ZNF558: variants seen among roughly 807,000 people sequenced by gnomAD.
The protein encoded by ZNF558 is zinc finger protein 558.
Under a neutral mutation model 37.6 loss-of-function variants are expected in ZNF558, and 23 were observed. The observed-to-expected ratio is 0.61, with a 90% CI of 0.44 to 0.87. The LOEUF is 0.87. ZNF558 is among the 40% of genes least tolerant of loss of function. The pLI, the probability that ZNF558 is intolerant of heterozygous loss-of-function variation, is 0.00. For missense variants in ZNF558, 429 were observed against 483.7 expected (o/e 0.89, Z 1.06); for synonymous variants, 189 against 174.4 (o/e 1.08, Z -0.66).
intron 2 of ZNF558, among the ~76,000 whole-genome samples, chr19:8,830,196 G>T (rs930251030): frequency 2.6e-5 from 4 of 151,998 alleles, no homozygotes; most frequent in East Asian, 3.9e-4. Context: ...CTTTCCCTTT[G>T]CTTTCTGCCA....
At chr19:8,816,854 G>A (rs1568466195) in intron 7 of ZNF558, among the ~76,000 whole-genome samples, 6 of 152,094 alleles carry the variant, frequency 3.9e-5, no homozygotes, top group Admixed American at 1.3e-4. Context: ...ACATTAATGG[G>A]CACACAATGC....
chr19:8,826,153 G>T (rs2044226711), intron 2 of ZNF558, among the ~76,000 whole-genome samples: 2 of 152,060 alleles, frequency 1.3e-5, no homozygotes, highest in African/African-American at 2.4e-5. Context: ...CAGGAAATGG[G>T]TTCTCCCCTA....
upstream of ZNF558, among the ~76,000 whole-genome samples, chr19:8,836,223 T>G (rs2967737): frequency 2.6e-5 from 4 of 152,136 alleles, no homozygotes; most frequent in African/African-American, 9.7e-5. Context: ...CAGTTAGGCA[T>G]AATAAGAGAA....
chr19:8,816,422 C>T (rs912933851), intron 7 of ZNF558, among the ~76,000 whole-genome samples: 6 of 152,020 alleles, frequency 3.9e-5, no homozygotes, highest in Admixed American at 6.6e-5. Context: ...AACAGCAAGA[C>T]GGAGATGACT....
upstream of ZNF558, among the ~76,000 whole-genome samples, chr19:8,836,392 T>C (rs1307864652): frequency 2.6e-5 from 4 of 151,574 alleles, no homozygotes; most frequent in African/African-American, 9.7e-5. Context: ...CTCCCCTTCC[T>C]CCTCCTCCTT....
chr19:8,808,669 T>C lies in ZNF558; in HGVS notation c.*2612A>G, dbSNP rs986648216. ...ACATGGGTAAAACTTGACCAATTTA[T>C]AGGTTTACCAGTTAGATTCTGCATC... On this transcript the variant is annotated 3_prime_UTR_variant, in exon 10 of 10. Coordinates refer to ENST00000601372, the MANE Select transcript of ZNF558 (RefSeq NM_144693.3). The C allele has an allele frequency of 1.3e-5, 2 of 152,256 alleles. No homozygotes were observed. The highest frequency in any genetic ancestry group is 4.8e-5 in the African/African-American group (2 of 41,462). The allele number at this position is 152,256 out of a possible 1,614,324, so 9.4% of individuals were successfully genotyped here. A position where few individuals can be genotyped will look rare whatever the true frequency, so the allele number is the denominator to read the frequency against.
chr19:8,835,873 C>T (rs1256923656), upstream of ZNF558, among the ~76,000 whole-genome samples: 1 of 152,100 alleles, frequency 6.6e-6, no homozygotes, highest in Non-Finnish European at 1.5e-5. Flanking sequence ...CATGGATGAA[C>T]CTTGAAAACA....
intron 7 of ZNF558, among the ~76,000 whole-genome samples, chr19:8,818,450 C>CA (rs796632382): frequency 1.3e-5 from 2 of 151,242 alleles, no homozygotes; most frequent in Middle Eastern, 3.4e-3. Context: ...GACTCTGTCT[C>CA]AAAAAAAATA....
chr19:8,826,311 G>A (rs576227909), intron 2 of ZNF558, among the ~76,000 whole-genome samples: 55 of 152,026 alleles, frequency 3.6e-4, no homozygotes, highest in Middle Eastern at 3.4e-3. Flanking sequence ...CATTTATTCT[G>A]CACTTTATTT....
intron 7 of ZNF558, among the ~76,000 whole-genome samples, chr19:8,819,830 A>G (rs1460774625): frequency 6.6e-6 from 1 of 152,114 alleles, no homozygotes; most frequent in African/African-American, 2.4e-5. Flanking sequence ...AATTCCAGCT[A>G]CTTGAGAGGC....
chr19:8,832,247 C>T lies in ZNF558; in HGVS notation c.-631G>A, dbSNP rs2044379819. ...TCCCGCGGGGCCAAAAGCGCCGACT[C>T]GCGGGGACGGAGGGACTCGCTCCCC... On this transcript the variant is annotated 5_prime_UTR_variant, in exon 1 of 10. Coordinates refer to ENST00000601372, the MANE Select transcript of ZNF558 (RefSeq NM_144693.3). The T allele has an allele frequency of 6.6e-6, 1 of 152,032 alleles. No individual in the cohort carries two copies. The highest frequency in any genetic ancestry group is 6.6e-5 in the Admixed American group (1 of 15,266). 9.4% of individuals were successfully genotyped at this position (152,032 alleles called of 1,614,324 possible). A position where few individuals can be genotyped will look rare whatever the true frequency, so the allele number is the denominator to read the frequency against.
At chr19:8,815,878 A>AC (rs1317835768) in intron 7 of ZNF558, among the ~76,000 whole-genome samples, 2 of 152,138 alleles carry the variant, frequency 1.3e-5, no homozygotes, top group Non-Finnish European at 2.9e-5. Flanking sequence ...CATCGAACCT[A>AC]CCAACATATA....
intron 1 of ZNF558, among the ~76,000 whole-genome samples, 191 bp from the exon 2 acceptor site, chr19:8,831,592 A>C (rs2044357106): frequency 6.6e-6 from 1 of 152,214 alleles, no homozygotes; most frequent in Non-Finnish European, 1.5e-5. Flanking sequence ...TCTGCTCCGT[A>C]AGAGGGGAGA....
At chr19:8,834,639 A>C (rs369013421), upstream of ZNF558, among the ~76,000 whole-genome samples, 11 of 146,634 alleles carry the variant, frequency 7.5e-5, no homozygotes, top group African/African-American at 2.0e-4. Context: ...AAAAAAAAAC[A>C]AAAAAAAAAC....
At chr19:8,819,196 G>A (rs758812709) in intron 7 of ZNF558, among the ~76,000 whole-genome samples, 1 of 152,038 alleles carries the variant, frequency 6.6e-6, no homozygotes. Flanking sequence ...AATTTTTTTT[G>A]TCTTCTGAGA....
intron 2 of ZNF558, among the ~76,000 whole-genome samples, chr19:8,827,206 G>C (rs921904346): frequency 9.2e-5 from 14 of 152,190 alleles, no homozygotes; most frequent in Non-Finnish European, 7.3e-5. Context: ...GGTCACAGCA[G>C]ATGGGCCACT....
intron 7 of ZNF558, among the ~76,000 whole-genome samples, chr19:8,816,435 T>C (rs1004098528): frequency 2.0e-5 from 3 of 152,084 alleles, no homozygotes; most frequent in African/African-American, 4.8e-5. Flanking sequence ...AGATGACTTA[T>C]GACGTAAACA....
chr19:8,811,481 C>A lies in ZNF558; in HGVS notation c.1009G>T (p.Val337Leu), dbSNP rs782419920. ...KSFSSSFSLT[V>L]HKRIHTGEKP... ...TCTCCGGTATGTATTCTCTTGTGCA[C>A]AGTAAGAGAAAAGCTACTGCTGAAG... Residue 337 changes from valine to leucine, a missense_variant, in exon 10 of 10, where the codon GTG becomes TTG. By Grantham distance (32) the Val-to-Leu change is conservative. Transcript: ENST00000601372. The A allele has an allele frequency of 6.2e-7, 1 of 1,614,056 alleles. No homozygotes were observed. Among genetic ancestry groups the A allele is most frequent in the Admixed American group, 1.7e-5 (1 of 60,014 alleles).
chr19:8,817,876 C>T (rs1254977100), intron 7 of ZNF558, among the ~76,000 whole-genome samples: 3 of 152,016 alleles, frequency 2.0e-5, no homozygotes, highest in Non-Finnish European at 4.4e-5. Flanking sequence ...ATAGAGTGTT[C>T]TATAATAATC....
Sources: gnomAD v4.1 joint callset for allele counts (sites outside exome capture counted in the v4.1 genomes callset) on GRCh38, gnomAD v4.1.1 for gene constraint, MANE v1.5 for transcripts, NCBI Gene and HGNC (gene_info 2026-07-23, HGNC 2026-07-21) for gene names.